The following LMO1 variants were observed in gnomAD, a reference collection of about 807,000 sequenced individuals.
LMO1 encodes the protein rhombotin-1.
In LMO1, 10 loss-of-function variants were observed where a neutral mutation model predicts 18.0. The observed-to-expected ratio is 0.55, with a 90% CI of 0.34 to 0.94. LMO1 has a LOEUF of 0.94. Ranked by LOEUF, LMO1 falls within the 40% of genes least tolerant of loss-of-function variation. LMO1 has a pLI of 0.02. For missense variants in LMO1, 183 were observed against 205.7 expected (o/e 0.89, Z 0.68); for synonymous variants, 77 against 77.9 (o/e 0.99, Z 0.06).
chr11:8,247,342 G>A (rs568110827), intron 1 of LMO1, among the ~76,000 whole-genome samples: 1 of 152,338 alleles, frequency 6.6e-6, no homozygotes, highest in Admixed American at 6.5e-5. Flanking sequence ...ACAGGGATGT[G>A]CCAGCTTAGA....
upstream of LMO1, chr11:8,268,718 G>C (rs1434607237): frequency 8.5e-6 from 2 of 235,480 alleles, no homozygotes; most frequent in African/African-American, 2.3e-5. Context: ...TGCCCGGGCC[G>C]GGCCGCAGCC....
At position 8,263,860 on chromosome 11, in the gene LMO1, C is replaced by T. The variant is rs1043038104; in HGVS notation, c.-498G>A. On this transcript the variant is annotated 5_prime_UTR_variant, in exon 1 of 4. Coordinates refer to ENST00000335790, the MANE Select transcript of LMO1 (RefSeq NM_002315.3). ...GGAATCTCGTGGCCGTCTCCCGCTG[C>T]CTTTCTCCCTCAATGTATGAGGTTT... is the stretch of plus-strand genomic sequence containing the variant. 2.9e-6 allele frequency: 3 copies of T among 1,039,994 alleles called. No individual in the cohort carries two copies. Among genetic ancestry groups the T allele is most frequent in the African/African-American group, 1.7e-5 (1 of 57,384 alleles). The allele number at this position is 1,039,994 out of a possible 1,614,324, so 64.4% of individuals were successfully genotyped here. A position where few individuals can be genotyped will look rare whatever the true frequency, so the allele number is the denominator to read the frequency against.
At chr11:8,243,440 A>C (rs533957769) in intron 1 of LMO1, among the ~76,000 whole-genome samples, 1 of 152,292 alleles carries the variant, frequency 6.6e-6, no homozygotes, top group South Asian at 2.1e-4. Flanking sequence ...TCTTCCGGAA[A>C]CCTGGTGGGA....
intron 2 of LMO1, among the ~76,000 whole-genome samples, chr11:8,229,954 C>T (rs1233564401): frequency 6.6e-6 from 1 of 152,216 alleles, no homozygotes; most frequent in Non-Finnish European, 1.5e-5. Context: ...GGTATCCCCT[C>T]CCAGATTCCA....
chr11:8,251,681 G>A (rs1192275520), intron 1 of LMO1, among the ~76,000 whole-genome samples: 1 of 152,040 alleles, frequency 6.6e-6, no homozygotes, highest in Non-Finnish European at 1.5e-5. Flanking sequence ...GTGTGTGAGA[G>A]AGAGAGAGTG....
chr11:8,239,522 A>G (rs1230316257), intron 1 of LMO1, among the ~76,000 whole-genome samples: 2 of 152,148 alleles, frequency 1.3e-5, no homozygotes, highest in African/African-American at 4.8e-5. Context: ...GAGAAGGACA[A>G]AGAAGCCTTG....
intron 1 of LMO1, among the ~76,000 whole-genome samples, chr11:8,239,218 T>C (rs937409175): frequency 6.6e-6 from 1 of 152,128 alleles, no homozygotes; most frequent in African/African-American, 2.4e-5. Context: ...CGGTGCAGCC[T>C]GGATGCCAGA....
At chr11:8,260,600 G>A (rs560371605) in intron 1 of LMO1, among the ~76,000 whole-genome samples, 5 of 151,744 alleles carry the variant, frequency 3.3e-5, no homozygotes, top group Non-Finnish European at 7.4e-5. Flanking sequence ...TTTTTCTGAC[G>A]ATTCAATACT....
upstream of LMO1, among the ~76,000 whole-genome samples, chr11:8,264,501 A>ACT (rs1847240781): frequency 6.6e-6 from 1 of 152,198 alleles, no homozygotes; most frequent in South Asian, 2.1e-4. Context: ...TAAGGCAGGA[A>ACT]AAGAGACAGT....
intron 1 of LMO1, among the ~76,000 whole-genome samples, chr11:8,231,840 C>T (rs778005694): frequency 6.6e-6 from 1 of 152,144 alleles, no homozygotes; most frequent in Non-Finnish European, 1.5e-5. Context: ...AATGGTTGGG[C>T]TGCTTCCCTT....
rs1952631388 is a variant in LMO1, at chr11:8,230,313, G to C, written c.217C>G (p.Leu73Val). Residue 73 changes from leucine (L) to valine (V), a missense_variant, in exon 2 of 4, where the codon CTG becomes GTG. By Grantham distance (32) the Leu-to-Val change is conservative. Transcript: ENST00000335790. ...STLYTKANLI[L>V]CRRDYLRLFG... is the part of the protein sequence containing the mutation. Reference sequence around the variant, plus strand: ...CACCTCAGGTAGTCGCGTCGGCACAGGATGAGGTTGGCCTTGGTGTAGAGG... The same window carrying C: ...CACCTCAGGTAGTCGCGTCGGCACACGATGAGGTTGGCCTTGGTGTAGAGG... 6.2e-7 allele frequency: 1 copy of C among 1,613,768 alleles called. No individual in the cohort carries two copies. The highest frequency in any genetic ancestry group is 1.1e-5 in the South Asian group (1 of 91,080).
At chr11:8,234,277 G>A (rs7944727) in intron 1 of LMO1, among the ~76,000 whole-genome samples, 63,288 of 151,944 alleles carry the variant, frequency 0.42, 15,466 homozygotes, top group African/African-American at 0.69. Flanking sequence ...CTTTAATCTG[G>A]GGGAAAGCCA....
intron 1 of LMO1, among the ~76,000 whole-genome samples, chr11:8,244,232 T>C (rs1319420113): frequency 1.3e-5 from 2 of 152,142 alleles, no homozygotes; most frequent in Non-Finnish European, 2.9e-5. Flanking sequence ...CCCCAGCCCC[T>C]CCTAGCCCCC....
intron 1 of LMO1, among the ~76,000 whole-genome samples, chr11:8,237,853 AGCCTCG>A (rs1347521715): frequency 6.6e-6 from 1 of 152,252 alleles, no homozygotes; most frequent in Admixed American, 6.5e-5. Context: ...GCAGACACAC[AGCCTCG>A]GCTTGAATTC....
chr11:8,229,180 G>A (rs1441331356), intron 2 of LMO1, among the ~76,000 whole-genome samples: 2 of 152,208 alleles, frequency 1.3e-5, no homozygotes, highest in East Asian at 1.9e-4. Flanking sequence ...AAGCCACCGC[G>A]CCTAGCCTGA....
At chr11:8,231,972 A>G (rs1419088510) in intron 1 of LMO1, among the ~76,000 whole-genome samples, 1 of 152,180 alleles carries the variant, frequency 6.6e-6, no homozygotes, top group Admixed American at 6.5e-5. Flanking sequence ...ATGTTCTCAT[A>G]CTACAGATGG....
chr11:8,226,850 G>A (rs976517819), intron 3 of LMO1, 125 bp downstream of exon 3: 59 of 1,420,250 alleles, frequency 4.2e-5, no homozygotes, highest in Admixed American at 3.6e-4. Flanking sequence ...TAACCTGCAC[G>A]CACCACCACA....
At chr11:8,233,452 G>T (rs989516509) in intron 1 of LMO1, among the ~76,000 whole-genome samples, 6 of 152,202 alleles carry the variant, frequency 3.9e-5, no homozygotes, top group African/African-American at 1.4e-4. Context: ...GCAATCCCTT[G>T]CTTCTCACAG....
intron 1 of LMO1, among the ~76,000 whole-genome samples, chr11:8,234,943 A>T (rs1267282509): frequency 6.6e-6 from 1 of 152,224 alleles, no homozygotes; most frequent in Non-Finnish European, 1.5e-5. Context: ...CCTAGTTTCA[A>T]GTCGGAACTG....
Sources: gnomAD v4.1 joint callset for allele counts (sites outside exome capture counted in the v4.1 genomes callset) on GRCh38, gnomAD v4.1.1 for gene constraint, MANE v1.5 for transcripts, NCBI Gene and HGNC (gene_info 2026-07-23, HGNC 2026-07-21) for gene names.